ANAPC4: variants seen among roughly 807,000 people sequenced by gnomAD.
ANAPC4 encodes anaphase promoting complex subunit 4.
A neutral mutation model predicts 119.8 loss-of-function variants in ANAPC4; 63 were observed. That is an observed-to-expected ratio of 0.53 (90% confidence interval 0.43 to 0.65). The LOEUF (loss-of-function observed/expected upper bound fraction) is 0.65. ANAPC4 is among the 30% of genes least tolerant of loss of function. The probability of loss-of-function intolerance (pLI) is 0.00; values close to 1 mark genes in which losing one functional copy is unlikely to be tolerated. For synonymous variants in ANAPC4, 283 were observed against 318.6 expected (o/e 0.89, Z 1.19); for missense variants, 716 against 945.1 (o/e 0.76, Z 3.18).
intron 20 of ANAPC4, among the ~76,000 whole-genome samples, chr4:25,408,822 C>T (rs1456327230): frequency 1.3e-5 from 2 of 152,106 alleles, no homozygotes; most frequent in Non-Finnish European, 2.9e-5. Context: ...AACATAAGTG[C>T]TTTTCCTCAA....
chr4:25,401,133 A>G (rs1488456842), intron 16 of ANAPC4, among the ~76,000 whole-genome samples: 1 of 152,196 alleles, frequency 6.6e-6, no homozygotes, highest in Non-Finnish European at 1.5e-5. Flanking sequence ...TTCTGAGGAT[A>G]TTAATTAGAT....
intron 21 of ANAPC4, 83 bp downstream of exon 21, chr4:25,409,874 T>C: frequency 1.0e-6 from 1 of 959,436 alleles, no homozygotes; most frequent in African/African-American, 1.7e-5. Flanking sequence ...ACAGTTTTGC[T>C]GAAAACTTGC....
At chr4:25,416,697 C>T (rs986337452) in intron 27 of ANAPC4, 99 bp downstream of exon 27, 29 of 1,017,196 alleles carry the variant, frequency 2.9e-5, no homozygotes, top group Middle Eastern at 2.7e-4. Context: ...ATGGTTATTT[C>T]GTTACTAGAG....
At chr4:25,388,423 T>A (rs1722159726) in intron 4 of ANAPC4, 77 bp from the exon 5 acceptor site, 2 of 1,008,592 alleles carry the variant, frequency 2.0e-6, no homozygotes, top group Admixed American at 2.0e-5. Context: ...GTATCTTTTT[T>A]AAAAATTAGC....
chr4:25,392,190 G>C (rs1267987655), intron 9 of ANAPC4, 148 bp from the exon 10 acceptor site: 1 of 609,000 alleles, frequency 1.6e-6, no homozygotes, highest in Non-Finnish European at 3.0e-6. Context: ...AGATCCTAAG[G>C]CTATGTGCTG....
rs1340750478 is a variant in ANAPC4 at position 25,394,323 on chromosome 4, C to A, written c.890C>A (p.Thr297Asn). The A allele has an allele frequency of 6.3e-7, 1 of 1,584,608 alleles. No homozygotes were observed. Among genetic ancestry groups the A allele is most frequent in the Admixed American group, 2.0e-5 (1 of 50,794 alleles). The change falls in exon 12 of 29, where the codon ACC becomes AAC. Residue 297 changes from threonine (T) to asparagine (N), a missense_variant. Coordinates refer to ENST00000315368, the MANE Select transcript of ANAPC4 (RefSeq NM_013367.3). ...ACTTTTTTCCAGGAAAAGAACACAA[C>A]CACATCAGTGCAAGATGAGTTCATG... ...LTKFVQEKNT[T>N]TSVQDEFMHL...
At chr4:25,382,826 G>A (rs1158387256) in intron 3 of ANAPC4, among the ~76,000 whole-genome samples, 3 of 152,156 alleles carry the variant, frequency 2.0e-5, no homozygotes, top group Admixed American at 6.5e-5. Flanking sequence ...TAATGGCCTC[G>A]TTTCCCACCA....
chr4:25,417,111 G>A (rs979216156), intron 27 of ANAPC4: 5 of 152,264 alleles, frequency 3.3e-5, no homozygotes, highest in African/African-American at 1.2e-4. Flanking sequence ...TGCCTGTTTG[G>A]AATTACAGTA....
chr4:25,401,148 G>C (rs950494448), intron 16 of ANAPC4, among the ~76,000 whole-genome samples: 2 of 152,146 alleles, frequency 1.3e-5, no homozygotes, highest in Non-Finnish European at 2.9e-5. Context: ...TTAGATTGCT[G>C]TTCCCTGAAT....
intron 21 of ANAPC4, among the ~76,000 whole-genome samples, chr4:25,411,642 A>G (rs1274498273): frequency 1.3e-5 from 2 of 152,186 alleles, no homozygotes; most frequent in African/African-American, 4.8e-5. Flanking sequence ...CAAGTTGCCT[A>G]ACCTCTCTGT....
At chr4:25,379,874 C>T (rs1056069005) in intron 2 of ANAPC4, among the ~76,000 whole-genome samples, 2 of 152,010 alleles carry the variant, frequency 1.3e-5, no homozygotes, top group Admixed American at 6.6e-5. Flanking sequence ...GAAGCTGCAA[C>T]GGGGCAGTCA....
chr4:25,398,712 C>A (rs1338478954), intron 16 of ANAPC4, among the ~76,000 whole-genome samples: 1 of 151,850 alleles, frequency 6.6e-6, no homozygotes, highest in Non-Finnish European at 1.5e-5. Context: ...CATAGATAGG[C>A]AAGGACAGAA....
At chr4:25,399,885 G>A (rs1003167118) in intron 16 of ANAPC4, among the ~76,000 whole-genome samples, 4 of 152,182 alleles carry the variant, frequency 2.6e-5, no homozygotes, top group Non-Finnish European at 5.9e-5. Context: ...AAGGAAATGG[G>A]AGAGACAGAA....
At chr4:25,407,484 C>G (rs573635310) in intron 20 of ANAPC4, among the ~76,000 whole-genome samples, 1 of 152,054 alleles carries the variant, frequency 6.6e-6, no homozygotes, top group Non-Finnish European at 1.5e-5. Flanking sequence ...CACCTGTAAT[C>G]CCAGCTACTT....
intron 11 of ANAPC4, 78 bp downstream of exon 11, chr4:25,393,969 A>G (rs1408913528): frequency 2.5e-6 from 3 of 1,178,050 alleles, no homozygotes; most frequent in African/African-American, 1.6e-5. Flanking sequence ...ACATGAGAAA[A>G]ATCAGTTTGA....
At chr4:25,397,405 G>C (rs1036910006) in intron 16 of ANAPC4, among the ~76,000 whole-genome samples, 1 of 152,208 alleles carries the variant, frequency 6.6e-6, no homozygotes, top group South Asian at 2.1e-4. Context: ...GCCTGCAGCT[G>C]TGGTCCAGTT....
At position 25,418,200 on chromosome 4, in the gene ANAPC4, G is replaced by A. The variant is rs1723986068; in HGVS notation, c.2245G>A (p.Asp749Asn). The A allele has an allele frequency of 1.9e-6, 3 of 1,613,964 alleles. No individual in the cohort carries two copies. The African/African-American group carries it at 4.0e-5, about 22-fold the overall frequency. ...TGTGAGAGTATTTGAAATGGACATA[G>A]ATGATGAATGGGAGCTCGATGAGTC... ...RHVRVFEMDI[D>N]DEWELDESSD... Residue 749 changes from aspartate to asparagine, a missense_variant, in exon 29 of 29, where the codon GAT (aspartate) becomes AAT (asparagine). Transcript: ENST00000315368.
intron 21 of ANAPC4, 191 bp from the exon 22 acceptor site, chr4:25,413,454 C>T (rs62409212): frequency 0.02 from 9,614 of 481,486 alleles, 146 homozygotes; most frequent in Non-Finnish European, 0.026. Flanking sequence ...GAGCTGTCAG[C>T]GGGGGTTGAT....
At chr4:25,389,663 C>CT (rs1722233953) in intron 7 of ANAPC4, among the ~76,000 whole-genome samples, 1 of 152,072 alleles carries the variant, frequency 6.6e-6, no homozygotes, top group African/African-American at 2.4e-5. Context: ...ATTGTGTGGC[C>CT]TTTCGTTTTA....
Sources: gnomAD v4.1 joint callset for allele counts (sites outside exome capture counted in the v4.1 genomes callset) on GRCh38, gnomAD v4.1.1 for gene constraint, MANE v1.5 for transcripts, NCBI Gene and HGNC (gene_info 2026-07-23, HGNC 2026-07-21) for gene names.